DNM3: variants seen among roughly 807,000 people sequenced by gnomAD.
DNM3 encodes the protein dynamin-3.
A neutral mutation model predicts 101.6 loss-of-function variants in DNM3; 47 were observed. The ratio of observed to expected loss-of-function variants is 0.46; its 90% CI spans 0.37 to 0.59. The LOEUF (loss-of-function observed/expected upper bound fraction) is 0.59. Ranked by LOEUF, DNM3 falls within the 20% of genes least tolerant of loss-of-function variation. The pLI, the probability that DNM3 is intolerant of heterozygous loss-of-function variation, is 0.00. For missense variants in DNM3, 849 were observed against 1,085.7 expected (o/e 0.78, Z 3.06); for synonymous variants, 385 against 387.9 (o/e 0.99, Z 0.09).
chr1:171,992,119 C>A (rs1481585372), intron 4 of DNM3, among the ~76,000 whole-genome samples: 3 of 152,098 alleles, frequency 2.0e-5, no homozygotes, highest in Non-Finnish European at 2.9e-5. Flanking sequence ...TAAATGTAAA[C>A]TAAAAAAATT....
chr1:172,165,459 A>G (rs556545563), intron 14 of DNM3, among the ~76,000 whole-genome samples: 1 of 152,212 alleles, frequency 6.6e-6, no homozygotes, highest in Admixed American at 6.6e-5. Flanking sequence ...TATAATTTAT[A>G]GGTTGCAGTT....
chr1:172,247,652 A>ATTTC (rs1290430020), intron 14 of DNM3, among the ~76,000 whole-genome samples: 43 of 93,656 alleles, frequency 4.6e-4, no homozygotes, highest in East Asian at 3.4e-3. Flanking sequence ...CTCTATTATT[A>ATTTC]TTTCTTATTT....
At chr1:172,343,465 C>T (rs1175064695) in intron 17 of DNM3, among the ~76,000 whole-genome samples, 1 of 151,920 alleles carries the variant, frequency 6.6e-6, no homozygotes, top group Non-Finnish European at 1.5e-5. Flanking sequence ...TGATGCAGGC[C>T]GATAACTTTT....
chr1:172,126,555 G>A (rs2056629082), intron 13 of DNM3, among the ~76,000 whole-genome samples: 1 of 152,126 alleles, frequency 6.6e-6, no homozygotes, highest in Admixed American at 6.6e-5. Flanking sequence ...ACTAAATGAT[G>A]TTTAATAAAT....
intron 15 of DNM3, among the ~76,000 whole-genome samples, chr1:172,285,834 A>G (rs2063675438): frequency 6.6e-6 from 1 of 152,060 alleles, no homozygotes; most frequent in South Asian, 2.1e-4. Context: ...CAGTATCTTA[A>G]TGTTGATAAA....
chr1:172,155,869 A>G (rs2058317790), intron 14 of DNM3, among the ~76,000 whole-genome samples: 1 of 152,132 alleles, frequency 6.6e-6, no homozygotes, highest in Non-Finnish European at 1.5e-5. Flanking sequence ...TAAAAATATT[A>G]TATGGTCTGT....
In DNM3 at chr1:172,020,445, G is replaced by A. The variant is rs76245014; in HGVS notation, c.590-11957G>A. On this transcript the variant is annotated intron_variant, in intron 4 of 20. Coordinates refer to ENST00000627582, the MANE Select transcript of DNM3 (RefSeq NM_015569.5). ...TGATAAGAAGAACAGAATGGACCCCGCGCGGTGGCTCACGCCTGTAATCCC... is the reference window on the plus strand; with the variant it reads ...TGATAAGAAGAACAGAATGGACCCCACGCGGTGGCTCACGCCTGTAATCCC... 6.8e-3 allele frequency among the ~76,000 whole-genome samples: 1,033 copies of A among 152,208 alleles called. 6 individuals carry two copies. Among genetic ancestry groups the A allele is most frequent in the African/African-American group, 0.023 (947 of 41,504 alleles).
intron 6 of DNM3, among the ~76,000 whole-genome samples, chr1:172,037,308 A>G (rs2049042720): frequency 6.6e-6 from 1 of 152,212 alleles, no homozygotes; most frequent in South Asian, 2.1e-4. Flanking sequence ...CCAAAGGACT[A>G]TAAATCATGC....
intron 14 of DNM3, among the ~76,000 whole-genome samples, chr1:172,205,450 C>G (rs1264237482): frequency 6.6e-6 from 1 of 151,874 alleles, no homozygotes; most frequent in Non-Finnish European, 1.5e-5. Flanking sequence ...CTACATTTAT[C>G]AACACGAAAC....
Position 172,411,978 on chromosome 1 carries a change from T to C in DNM3, c.*4137T>C. On this transcript the variant is annotated 3_prime_UTR_variant, in exon 21 of 21. Coordinates refer to ENST00000627582, the MANE Select transcript of DNM3 (RefSeq NM_015569.5). ...TCTGGTTGCTATGTTTAAAATTATG[T>C]GGTGCTGTGTAGGTGAAACTTTAAG... 1 of 985,812 alleles carries C rather than the reference T, an allele frequency of 1.0e-6. No homozygotes were observed. The highest frequency in any genetic ancestry group is 1.2e-6 in the Non-Finnish European group (1 of 829,876). 61.1% of individuals were successfully genotyped at this position (985,812 alleles called of 1,614,324 possible).
chr1:172,038,665 T>A (rs575238254), intron 7 of DNM3, among the ~76,000 whole-genome samples: 79 of 152,306 alleles, frequency 5.2e-4, no homozygotes, highest in Middle Eastern at 3.4e-3. Context: ...ACTTACCAGT[T>A]GAGCATCCTC....
intron 14 of DNM3, among the ~76,000 whole-genome samples, chr1:172,186,743 T>C (rs563072164): frequency 6.6e-6 from 1 of 152,266 alleles, no homozygotes; most frequent in East Asian, 1.9e-4. Context: ...GAAGTATTTT[T>C]CATCTCTACC....
chr1:172,011,777 A>T (rs1259388158), intron 4 of DNM3, among the ~76,000 whole-genome samples: 1 of 152,012 alleles, frequency 6.6e-6, no homozygotes, highest in Non-Finnish European at 1.5e-5. Flanking sequence ...AAACCAATAG[A>T]TCCAAATTTT....
chr1:171,950,312 G>A (rs574116380), intron 2 of DNM3, among the ~76,000 whole-genome samples: 2 of 152,184 alleles, frequency 1.3e-5, no homozygotes, highest in East Asian at 1.9e-4. Context: ...ATATGCATTC[G>A]GTAGAAACTA....
intron 14 of DNM3, among the ~76,000 whole-genome samples, chr1:172,172,172 G>C (rs12129264): frequency 3.3e-5 from 5 of 151,366 alleles, no homozygotes; most frequent in African/African-American, 1.2e-4. Flanking sequence ...TAACAACTTG[G>C]GTGCTGCTGC....
intron 1 of DNM3, 59 bp downstream of exon 1, chr1:171,841,876 T>C: frequency 6.5e-7 from 1 of 1,539,864 alleles, no homozygotes; most frequent in South Asian, 1.2e-5. Context: ...CTGCGGGCCG[T>C]TGGAACGTGG....
intron 13 of DNM3, among the ~76,000 whole-genome samples, chr1:172,108,225 T>C (rs958970707): frequency 1.3e-5 from 2 of 152,208 alleles, no homozygotes; most frequent in Non-Finnish European, 2.9e-5. Flanking sequence ...ATTTATCATA[T>C]AGTAGCTCTA....
At position 172,013,350 on chromosome 1, in the gene DNM3, C is replaced by T. The variant is rs116857120; in HGVS notation, c.590-19052C>T. ...GGTAGAATGGTATCATATATCTTCTCTGGATTTTGTATTTCAATTCTTGGG... is the reference window on the plus strand; with the variant it reads ...GGTAGAATGGTATCATATATCTTCTTTGGATTTTGTATTTCAATTCTTGGG... On this transcript the variant is annotated intron_variant, in intron 4 of 20. Coordinates refer to ENST00000627582, the MANE Select transcript of DNM3 (RefSeq NM_015569.5). 1.2e-4 allele frequency among the ~76,000 whole-genome samples: 18 copies of T among 152,098 alleles called. No individual in the cohort carries two copies. In the East Asian group the frequency reaches 3.5e-3, roughly 29 times the overall value.
intron 10 of DNM3, among the ~76,000 whole-genome samples, chr1:172,058,939 G>C (rs1192762211): frequency 6.6e-6 from 1 of 152,112 alleles, no homozygotes; most frequent in African/African-American, 2.4e-5. Context: ...AAAATTGATA[G>C]ACTGCTAGCA....
Sources: allele counts gnomAD v4.1 joint callset (sites outside exome capture counted in the v4.1 genomes callset), GRCh38; gene constraint gnomAD v4.1.1; transcripts MANE v1.5; gene names NCBI Gene and HGNC (gene_info 2026-07-23, HGNC 2026-07-21).